The following MYO7A variants were observed in gnomAD, a reference collection of about 807,000 sequenced individuals.
The protein encoded by MYO7A is unconventional myosin-VIIa.
A neutral mutation model predicts 263.8 loss-of-function variants in MYO7A; 210 were observed. That is an observed-to-expected ratio of 0.80 (90% CI 0.71 to 0.89). The LOEUF (loss-of-function observed/expected upper bound fraction) is 0.89. Ranked by LOEUF, MYO7A falls within the 40% of genes least tolerant of loss-of-function variation. The pLI, the probability that MYO7A is intolerant of heterozygous loss-of-function variation, is 0.00. For synonymous variants in MYO7A, 1,239 were observed against 1,197.3 expected (o/e 1.03, Z -0.72); for missense variants, 2,820 against 2,968.3 (o/e 0.95, Z 1.16).
chr11:77,128,994 C>T (rs1255841945), intron 1 of MYO7A, among the ~76,000 whole-genome samples: 2 of 152,146 alleles, frequency 1.3e-5, no homozygotes, highest in African/African-American at 4.8e-5. Flanking sequence ...CAGTCTATGC[C>T]CCCTGTTGTC....
At chr11:77,178,147 G>A (rs933577792) in intron 19 of MYO7A, among the ~76,000 whole-genome samples, 12 of 27,234 alleles carry the variant, frequency 4.4e-4, no homozygotes, top group South Asian at 1.0e-3. Context: ...TCTTCCACTC[G>A]TCCACCCACC....
chr11:77,180,358 T>A lies in MYO7A; in HGVS notation c.2587-16T>A. 1.2e-6 allele frequency: 2 copies of A among 1,608,236 alleles called. No homozygotes were observed. Among genetic ancestry groups the A allele is most frequent in the Non-Finnish European group, 1.7e-6 (2 of 1,177,034 alleles). On this transcript the variant is annotated splice_polypyrimidine_tract_variant and intron_variant, in intron 21 of 48. Coordinates refer to ENST00000409709, the MANE Select transcript of MYO7A (RefSeq NM_000260.4). ...TACACACATTTCCATGCCCTCTGGA[T>A]GCCCCCTTCCCTCAGTATCTGTGGC...
intron 12 of MYO7A, 107 bp from the exon 13 acceptor site, chr11:77,162,013 T>A: frequency 9.8e-7 from 1 of 1,021,526 alleles, no homozygotes; most frequent in South Asian, 1.6e-5. Flanking sequence ...GAGTCCATGA[T>A]GGGGATAGCT....
intron 4 of MYO7A, among the ~76,000 whole-genome samples, chr11:77,148,502 C>T (rs1555055397): frequency 6.6e-6 from 1 of 152,204 alleles, no homozygotes; most frequent in African/African-American, 2.4e-5. Flanking sequence ...ATAAAGATGT[C>T]TGCCCCAGCC....
Position 77,172,864 on chromosome 11 carries a change from C to A in MYO7A, c.1914C>A (p.Pro638=). The A allele has an allele frequency of 6.4e-7, 1 of 1,551,850 alleles. No homozygotes were observed. The highest frequency in any genetic ancestry group is 8.7e-7 in the Non-Finnish European group (1 of 1,147,086). The change falls in exon 16 of 49, where the codon CCC becomes CCA. Residue 638 remains proline, a synonymous_variant. Transcript: ENST00000409709. ...CCTTCTTTGTGCGATGCATCAAGCC[C>A]AATGAGTTCAAGAAGCCCATGGTGA... ...CQPFFVRCIK[P]NEFKKPMLFD... is the part of the protein sequence containing the mutation.
Position 77,179,827 on chromosome 11 carries a change from C to T in MYO7A, c.2460C>T (p.Phe820=), listed in dbSNP as rs1555082737. 6.5e-6 allele frequency: 10 copies of T among 1,545,270 alleles called. No individual in the cohort carries two copies. In the South Asian group the frequency reaches 7.1e-5, roughly 11 times the overall value. Residue 820 remains phenylalanine, a synonymous_variant, in exon 21 of 49, where the codon TTC becomes TTT. Transcript: ENST00000409709. The stretch of plus-strand genomic sequence containing the variant: ...TGGCCCGCCAGCGCATCATCCAGTT[C>T]CAGGCCCGCTGCCGCGCCTATCTGG... ...YRLARQRIIQ[F]QARCRAYLVR... is the part of the protein sequence containing the mutation.
chr11:77,202,104 C>G (rs1337330257), intron 36 of MYO7A, among the ~76,000 whole-genome samples, 196 bp from the exon 37 acceptor site: 2 of 152,134 alleles, frequency 1.3e-5, no homozygotes, highest in Non-Finnish European at 2.9e-5. Context: ...GGGAAGGGCC[C>G]TGAGCTCAGC....
chr11:77,189,525 C>T, intron 28 of MYO7A, 55 bp downstream of exon 28: 1 of 1,605,144 alleles, frequency 6.2e-7, no homozygotes, highest in African/African-American at 1.3e-5. Flanking sequence ...CCTGTCCCAG[C>T]ACTGTGGGGA....
chr11:77,209,662 T>C (rs1316872695), intron 44 of MYO7A, among the ~76,000 whole-genome samples: 2 of 152,044 alleles, frequency 1.3e-5, no homozygotes, highest in Non-Finnish European at 2.9e-5. Flanking sequence ...CTCCTGGATA[T>C]CTCTAAAGTC....
At chr11:77,156,219 C>A in intron 5 of MYO7A, 128 bp downstream of exon 5, 2 of 979,318 alleles carry the variant, frequency 2.0e-6, no homozygotes, top group Admixed American at 2.3e-5. Flanking sequence ...AGGAACCAGA[C>A]CTATGTACTC....
At chr11:77,184,943 G>T (rs1955553763) in intron 27 of MYO7A, 2 of 788,548 alleles carry the variant, frequency 2.5e-6, no homozygotes, top group Admixed American at 4.0e-5. Flanking sequence ...GATATTGCAG[G>T]TTCAGTTGAA....
At chr11:77,162,783 A>T in intron 13 of MYO7A, 70 bp from the exon 14 acceptor site, 1 of 1,567,380 alleles carries the variant, frequency 6.4e-7, no homozygotes, top group Non-Finnish European at 8.7e-7. Context: ...GGGGGCAAAG[A>T]CATGGGCAGG....
At chr11:77,211,468 C>A in intron 45 of MYO7A, 131 bp downstream of exon 45, 1 of 1,052,654 alleles carries the variant, frequency 9.5e-7, no homozygotes, top group Non-Finnish European at 1.3e-6. Context: ...TTGATGAGGC[C>A]GCCCACCCTT....
rs867170670 is a variant in MYO7A at position 77,192,951 on chromosome 11, T to C, written c.4152+673T>C. ...GTGTTGTTTGTGATGGTGGAGGTAGTGATGGTGTTGGTGATGGTGGAGGTA... is the reference window on the plus strand; with the variant it reads ...GTGTTGTTTGTGATGGTGGAGGTAGCGATGGTGTTGGTGATGGTGGAGGTA... On this transcript the variant is annotated intron_variant, in intron 31 of 48. Coordinates refer to ENST00000409709, the MANE Select transcript of MYO7A (RefSeq NM_000260.4). Among the ~76,000 whole-genome samples the C allele has an allele frequency of 4.9e-4, 12 of 24,702 alleles. 3 individuals carry two copies. Among genetic ancestry groups the C allele is most frequent in the Admixed American group, 1.5e-3 (3 of 1,970 alleles). 16.2% of individuals were successfully genotyped at this position (24,702 alleles called of 152,430 possible).
chr11:77,204,671 G>A (rs898285342), intron 39 of MYO7A, among the ~76,000 whole-genome samples: 3 of 152,118 alleles, frequency 2.0e-5, no homozygotes, highest in Non-Finnish European at 2.9e-5. Context: ...TTCTCCTCCC[G>A]CTGGGACAGC....
chr11:77,208,349 C>T (rs1957602335), intron 42 of MYO7A, 81 bp from the exon 43 acceptor site: 7 of 1,097,250 alleles, frequency 6.4e-6, no homozygotes, highest in Non-Finnish European at 9.5e-6. Flanking sequence ...GAAGGAGCAG[C>T]TGCCAGACAG....
At chr11:77,158,175 C>A (rs1027906085) in intron 8 of MYO7A, 102 bp from the exon 9 acceptor site, 3 of 1,359,344 alleles carry the variant, frequency 2.2e-6, no homozygotes, top group Middle Eastern at 2.6e-4. Flanking sequence ...GCTGGCCTGG[C>A]CTGTCAGGCA....
intron 22 of MYO7A, 51 bp downstream of exon 22, chr11:77,180,532 C>T: frequency 6.6e-7 from 1 of 1,516,014 alleles, no homozygotes; most frequent in South Asian, 1.2e-5. Context: ...TGGCTTGTCC[C>T]CTCCCCGAGG....
chr11:77,176,738 G>T (rs1185213731), intron 18 of MYO7A, among the ~76,000 whole-genome samples: 3 of 152,180 alleles, frequency 2.0e-5, no homozygotes, highest in Admixed American at 2.0e-4. Context: ...TCAGGGCCCT[G>T]TGTGTCTGTG....
Sources: gnomAD v4.1 joint callset for allele counts (sites outside exome capture counted in the v4.1 genomes callset) on GRCh38, gnomAD v4.1.1 for gene constraint, MANE v1.5 for transcripts, NCBI Gene and HGNC (gene_info 2026-07-23, HGNC 2026-07-21) for gene names.